The following JOSD1 variants were observed in gnomAD, a reference collection of about 807,000 sequenced individuals.
JOSD1 encodes the protein josephin-1.
A neutral mutation model predicts 24.3 loss-of-function variants in JOSD1; 11 were observed. The observed-to-expected ratio is 0.45, with a 90% confidence interval of 0.29 to 0.75. The LOEUF (loss-of-function observed/expected upper bound fraction) is 0.75, where lower values mean the gene tolerates loss of function less well. Ranked by LOEUF, JOSD1 falls within the 30% of genes least tolerant of loss-of-function variation. The probability of loss-of-function intolerance (pLI) is 0.11; values close to 1 mark genes in which losing one functional copy is unlikely to be tolerated. For missense variants in JOSD1, 184 were observed against 253.5 expected (o/e 0.73, Z 1.86); for synonymous variants, 106 against 93.8 (o/e 1.13, Z -0.75).
rs903262810 is a variant in JOSD1 at position 38,687,168 on chromosome 22, A to G, written c.*734T>C. The G allele has an allele frequency of 1.4e-4, 22 of 152,146 alleles. No individual in the cohort carries two copies. Among genetic ancestry groups the G allele is most frequent in the African/African-American group, 5.3e-4 (22 of 41,412 alleles). 9.4% of individuals were successfully genotyped at this position (152,146 alleles called of 1,614,324 possible). On this transcript the variant is annotated 3_prime_UTR_variant, in exon 5 of 5. Coordinates refer to ENST00000683374, the MANE Select transcript of JOSD1 (RefSeq NM_001360236.2). ...AACCCCATCTCTACTAAAAATACAA[A>G]ATTAGCCAGGTGTGGTGGCAGGCGC... is the stretch of plus-strand genomic sequence containing the variant.
At position 38,700,434 on chromosome 22, in the gene JOSD1, G is replaced by A. The variant is rs915613830; in HGVS notation, c.-447C>T. 21 of 987,666 alleles carry A rather than the reference G, an allele frequency of 2.1e-5. No individual in the cohort carries two copies. Among genetic ancestry groups the A allele is most frequent in the Non-Finnish European group, 2.3e-5 (19 of 831,358 alleles). 61.2% of individuals were successfully genotyped at this position (987,666 alleles called of 1,614,324 possible). On this transcript the variant is annotated 5_prime_UTR_variant, in exon 2 of 5. Transcript: ENST00000683374. ...TTTGAACCACGACGCCAATGACTCG[G>A]GAGACAAGGCCTGGGTGACGGATAA...
At position 38,687,807 on chromosome 22, in the gene JOSD1, T is replaced by C. The variant is rs2092504363; in HGVS notation, c.*95A>G. 8.9e-6 allele frequency: 7 copies of C among 784,306 alleles called. No individual in the cohort carries two copies. The Admixed American group carries it at 1.5e-4, about 17-fold the overall frequency. The allele number at this position is 784,306 out of a possible 1,614,324, so 48.6% of individuals were successfully genotyped here. A position where few individuals can be genotyped will look rare whatever the true frequency, so the allele number is the denominator to read the frequency against. ...TGAAGGGGAAAAACTTGATGAGATG[T>C]TTGGGGAAGTGGCAAGGGCAGACCC... On this transcript the variant is annotated 3_prime_UTR_variant, in exon 5 of 5. Coordinates refer to ENST00000683374, the MANE Select transcript of JOSD1 (RefSeq NM_001360236.2).
Position 38,688,451 on chromosome 22 carries a change from CAG to C in JOSD1, c.510-452_510-451del, listed in dbSNP as rs376660471. On this transcript the variant is annotated intron_variant, in intron 4 of 4. Transcript: ENST00000683374. Reference sequence around the variant, plus strand: ...CTAATTTTTGTATTTTTAGTAGAGACAGAGTTTCACCGTGTTGGTCAGGCTGG... The same window carrying C: ...CTAATTTTTGTATTTTTAGTAGAGACAGTTTCACCGTGTTGGTCAGGCTGG... 5.7e-3 allele frequency among the ~76,000 whole-genome samples: 867 copies of C among 152,242 alleles called. 5 individuals are homozygous for C. The highest frequency in any genetic ancestry group is 0.02 in the African/African-American group (830 of 41,536).
intron 2 of JOSD1, among the ~76,000 whole-genome samples, chr22:38,692,626 A>C (rs2092527603): frequency 6.6e-6 from 1 of 151,586 alleles, no homozygotes; most frequent in Non-Finnish European, 1.5e-5. Flanking sequence ...TAAAAATACA[A>C]AAAAATTAGC....
At chr22:38,690,533 G>A (rs1031151034) in intron 2 of JOSD1, among the ~76,000 whole-genome samples, 3 of 151,770 alleles carry the variant, frequency 2.0e-5, no homozygotes, top group African/African-American at 7.3e-5. Flanking sequence ...CTCCCAAGTA[G>A]CTGGGATTAC....
rs1345109125 is a variant in JOSD1, at chr22:38,700,929, G to A, written c.-761C>T. The A allele has an allele frequency of 1.0e-6, 1 of 984,690 alleles. No homozygotes were observed. 61.0% of individuals were successfully genotyped at this position (984,690 alleles called of 1,614,324 possible). On this transcript the variant is annotated 5_prime_UTR_variant, in exon 1 of 5. Coordinates refer to ENST00000683374, the MANE Select transcript of JOSD1 (RefSeq NM_001360236.2). The stretch of plus-strand genomic sequence containing the variant: ...CGCAGCCGGCCGCCACCTGGAGTGC[G>A]CGCCGCCAACTGGGCCGTGCGGGCG...
intron 2 of JOSD1, among the ~76,000 whole-genome samples, chr22:38,689,912 C>CTGTGTGTGTGTGTG (rs57064558): frequency 0.014 from 2,013 of 144,596 alleles, 28 homozygotes; most frequent in Middle Eastern, 0.028. Context: ...TAAAGGCATT[C>CTGTGTGTGTGTGTG]TGTGTGTGTG....
At chr22:38,688,843 T>C in intron 4 of JOSD1, 92 bp downstream of exon 4, 2 of 1,203,872 alleles carry the variant, frequency 1.7e-6, no homozygotes, top group Non-Finnish European at 1.2e-6. Context: ...AGGAATTTCA[T>C]TTCCTTTGTC....
At position 38,697,325 on chromosome 22, in the gene JOSD1, G is replaced by T. The variant is rs2092549968; in HGVS notation, c.185+2478C>A. On this transcript the variant is annotated intron_variant, in intron 2 of 4. Transcript: ENST00000683374. ...CTCTACACAGAATTCCACTTCTGGA[G>T]TTGGGACAGAATACATGCCCTTATG... is the stretch of plus-strand genomic sequence containing the variant. Among the ~76,000 whole-genome samples, 4 of 152,194 alleles carry T rather than the reference G, an allele frequency of 2.6e-5. No individual in the cohort carries two copies. In the East Asian group the frequency reaches 7.7e-4, roughly 29 times the overall value.
In JOSD1 at chr22:38,688,016, A is replaced by G. The variant is rs756816173; in HGVS notation, c.510-15T>C. On this transcript the variant is annotated splice_polypyrimidine_tract_variant and intron_variant, in intron 4 of 4. Coordinates refer to ENST00000683374, the MANE Select transcript of JOSD1 (RefSeq NM_001360236.2). Reference sequence around the variant, plus strand: ...TTAGAAACTTCCTATGGAAAAAGAGATAGAGAAAATGAAATGCTGGCAAGT... The same window carrying G: ...TTAGAAACTTCCTATGGAAAAAGAGGTAGAGAAAATGAAATGCTGGCAAGT... 3 of 1,589,382 alleles carry G rather than the reference A, an allele frequency of 1.9e-6. No individual in the cohort carries two copies. The East Asian group carries it at 6.7e-5, about 36-fold the overall frequency.
rs891950121 is a variant in JOSD1 at position 38,700,418 on chromosome 22, C to G, written c.-431G>C. ...CTTTTCTTCCATTTCTTTTGAACCA[C>G]GACGCCAATGACTCGGGAGACAAGG... On this transcript the variant is annotated 5_prime_UTR_variant, in exon 2 of 5. Transcript: ENST00000683374. 14 of 987,754 alleles carry G rather than the reference C, an allele frequency of 1.4e-5. No individual in the cohort carries two copies. The highest frequency in any genetic ancestry group is 1.6e-5 in the Non-Finnish European group (13 of 831,460). The allele number at this position is 987,754 out of a possible 1,614,324, so 61.2% of individuals were successfully genotyped here.
At chr22:38,691,481 T>G (rs1020973045) in intron 2 of JOSD1, among the ~76,000 whole-genome samples, 3 of 152,204 alleles carry the variant, frequency 2.0e-5, no homozygotes, top group African/African-American at 7.2e-5. Context: ...TCCTTTGGCA[T>G]GCAAGGCCCT....
intron 3 of JOSD1, 60 bp from the exon 4 acceptor site, chr22:38,689,189 G>C (rs2092511426): frequency 3.7e-6 from 6 of 1,601,290 alleles, no homozygotes; most frequent in Non-Finnish European, 8.5e-7. Flanking sequence ...TTCCCTGGCT[G>C]TAATACCACA....
intron 3 of JOSD1, 74 bp downstream of exon 3, chr22:38,689,222 C>T: frequency 6.2e-7 from 1 of 1,604,724 alleles, no homozygotes; most frequent in South Asian, 1.1e-5. Context: ...CCCACTCATG[C>T]CATGAGCCCA....
chr22:38,691,438 C>T (rs957294910), intron 2 of JOSD1, among the ~76,000 whole-genome samples: 4 of 151,994 alleles, frequency 2.6e-5, no homozygotes, highest in Non-Finnish European at 4.4e-5. Context: ...CTTCTGATGG[C>T]ACCTAAAGCA....
chr22:38,701,171 G>A (rs759556179), upstream of JOSD1: 10 of 190,728 alleles, frequency 5.2e-5, no homozygotes, highest in Non-Finnish European at 6.8e-5. Flanking sequence ...GCTGCGGGCT[G>A]CGCACCTCGG....
At chr22:38,689,234 G>A in intron 3 of JOSD1, 62 bp downstream of exon 3, 1 of 1,608,572 alleles carries the variant, frequency 6.2e-7, no homozygotes, top group Non-Finnish European at 8.5e-7. Flanking sequence ...ATGAGCCCAA[G>A]TACTAAAAGC....
chr22:38,690,292 C>T (rs184073948), intron 2 of JOSD1, among the ~76,000 whole-genome samples: 2 of 152,252 alleles, frequency 1.3e-5, no homozygotes, highest in Admixed American at 6.5e-5. Flanking sequence ...TACTACATGC[C>T]ATCTCCAGAA....
At chr22:38,699,737 A>C in intron 2 of JOSD1, 66 bp downstream of exon 2, 1 of 1,474,920 alleles carries the variant, frequency 6.8e-7, no homozygotes, top group Non-Finnish European at 9.5e-7. Flanking sequence ...TGAAGCTGAG[A>C]CACTGCCCCA....
Sources: allele counts gnomAD v4.1 joint callset (sites outside exome capture counted in the v4.1 genomes callset), GRCh38; gene constraint gnomAD v4.1.1; transcripts MANE v1.5; gene names NCBI Gene and HGNC (gene_info 2026-07-23, HGNC 2026-07-21).